C6: variants seen among roughly 807,000 people sequenced by gnomAD.
C6 encodes complement C6.
A neutral mutation model predicts 112.9 loss-of-function variants in C6; 101 were observed. The ratio of observed to expected loss-of-function variants is 0.89; its 90% confidence interval spans 0.76 to 1.06. The LOEUF (loss-of-function observed/expected upper bound fraction) is 1.06. C6 is among the 50% of genes least tolerant of loss of function. The pLI is 0.00. For missense variants in C6, 1,202 were observed against 1,104.6 expected (o/e 1.09, Z -1.25); for synonymous variants, 431 against 384.1 (o/e 1.12, Z -1.43).
chr5:41,162,555 C>G (rs1747617959), intron 9 of C6, among the ~76,000 whole-genome samples: 1 of 152,152 alleles, frequency 6.6e-6, no homozygotes, highest in South Asian at 2.1e-4. Flanking sequence ...ATAACAATTT[C>G]CACTAACCAA....
Position 41,203,112 on chromosome 5 carries a change from T to A in C6, c.119A>T (p.Asn40Ile). The A allele has an allele frequency of 6.2e-7, 1 of 1,614,090 alleles. No individual in the cohort carries two copies. The highest frequency in any genetic ancestry group is 8.5e-7 in the Non-Finnish European group (1 of 1,179,962). Residue 40 changes from asparagine to isoleucine, a missense_variant, in exon 2 of 18, where the codon AAT (asparagine) becomes ATT (isoleucine). Physicochemically the swap from Asn to Ile is moderately radical, Grantham distance 149 (BLOSUM62 -3). Coordinates refer to ENST00000337836, the MANE Select transcript of C6 (RefSeq NM_000065.5). ...TQWTSCSKTCNSGTQSRHRQI... is the reference protein window; with the variant it reads ...TQWTSCSKTCISGTQSRHRQI... ...CCTGTGTCTGCTCTGGGTTCCAGAA[T>A]TGCAAGTTTTTGAGCAGCTGGTCCA...
At chr5:41,211,871 A>G (rs1751960704) in intron 1 of C6, among the ~76,000 whole-genome samples, 2 of 152,174 alleles carry the variant, frequency 1.3e-5, no homozygotes, top group African/African-American at 2.4e-5. Context: ...GAGATTACTA[A>G]TTCTCAGTTC....
Position 41,176,347 on chromosome 5 carries a change from A to G in C6, c.1168+128T>C, listed in dbSNP as rs367879903. ...GAATGTGTATTTTTTATCATTCTTC[A>G]TATCATTTTGGAAATAAAGCAGGAT... On this transcript the variant is annotated intron_variant, in intron 8 of 17. Transcript: ENST00000337836. 12 of 947,116 alleles carry G rather than the reference A, an allele frequency of 1.3e-5. No individual in the cohort carries two copies. In the South Asian group the frequency reaches 2.0e-4, roughly 15 times the overall value. The allele number at this position is 947,116 out of a possible 1,614,324, so 58.7% of individuals were successfully genotyped here.
intron 13 of C6, among the ~76,000 whole-genome samples, chr5:41,157,317 G>T (rs974730981): frequency 1.3e-5 from 2 of 152,138 alleles, no homozygotes; most frequent in Non-Finnish European, 2.9e-5. Context: ...TAATTTTAAC[G>T]GTCTTTGTAT....
At chr5:41,160,735 CA>C (rs1213449570) in intron 10 of C6, among the ~76,000 whole-genome samples, 1 of 152,124 alleles carries the variant, frequency 6.6e-6, no homozygotes, top group Non-Finnish European at 1.5e-5. Flanking sequence ...AAATTTGATT[CA>C]AGCAGCAAAA....
intron 15 of C6, 128 bp downstream of exon 15, chr5:41,153,682 C>T: frequency 1.4e-6 from 1 of 716,506 alleles, no homozygotes; most frequent in South Asian, 1.7e-5. Context: ...CGGTTTGACC[C>T]ACACTGTCTA....
intron 6 of C6, 149 bp downstream of exon 6, chr5:41,185,921 G>T (rs1749730656): frequency 2.1e-6 from 2 of 966,942 alleles, no homozygotes; most frequent in African/African-American, 1.6e-5. Context: ...CATTGTGTGT[G>T]CATGGATAAA....
chr5:41,208,872 G>A (rs1360706005), intron 1 of C6, among the ~76,000 whole-genome samples: 3 of 152,076 alleles, frequency 2.0e-5, no homozygotes, highest in Non-Finnish European at 4.4e-5. Context: ...CTCATTTTAT[G>A]AGGCCAGCAT....
chr5:41,244,703 A>G (rs1308465069), intron 1 of C6, among the ~76,000 whole-genome samples: 1 of 136,622 alleles, frequency 7.3e-6, no homozygotes, highest in East Asian at 2.0e-4. Context: ...CAAGGTATTA[A>G]AAGTCAAACA....
chr5:41,175,616 C>T lies in C6; in HGVS notation c.1168+859G>A, dbSNP rs76149807. Among the ~76,000 whole-genome samples the T allele has an allele frequency of 5.7e-3, 863 of 152,320 alleles. 2 individuals carry two copies. The highest frequency in any genetic ancestry group is 0.01 in the Non-Finnish European group (684 of 68,026). On this transcript the variant is annotated intron_variant, in intron 8 of 17. Coordinates refer to ENST00000337836, the MANE Select transcript of C6 (RefSeq NM_000065.5). ...GTTCTCAACTGACCTGATCCCTAAG[C>T]ATTTAGGGGCTCTGCTCTGAATGCA...
At position 41,142,505 on chromosome 5, in the gene C6, G is replaced by A. The variant is rs1169658883; in HGVS notation, c.*320C>T. 4 of 318,848 alleles carry A rather than the reference G, an allele frequency of 1.3e-5. No homozygotes were observed. The East Asian group carries it at 2.3e-4, about 18-fold the overall frequency. 19.8% of individuals were successfully genotyped at this position (318,848 alleles called of 1,614,324 possible). On this transcript the variant is annotated 3_prime_UTR_variant, in exon 18 of 18. Transcript: ENST00000337836. ...GGGTTTTATTCTTATTTCTAATTGCGAGAATGCTTAATGTCACAGGCTACA... is the reference window on the plus strand; with the variant it reads ...GGGTTTTATTCTTATTTCTAATTGCAAGAATGCTTAATGTCACAGGCTACA...
intron 1 of C6, among the ~76,000 whole-genome samples, chr5:41,229,370 G>A (rs574118769): frequency 2.0e-5 from 3 of 150,912 alleles, no homozygotes; most frequent in African/African-American, 7.3e-5. Flanking sequence ...GTTTCAGTAA[G>A]TTATGTTACC....
intron 1 of C6, among the ~76,000 whole-genome samples, chr5:41,220,004 A>G (rs963134337): frequency 6.6e-6 from 1 of 152,178 alleles, no homozygotes; most frequent in Admixed American, 6.5e-5. Flanking sequence ...CAAATTGAAA[A>G]GTGTTTGAGG....
chr5:41,228,555 A>G (rs186746468), intron 1 of C6, among the ~76,000 whole-genome samples: 222 of 152,278 alleles, frequency 1.5e-3, no homozygotes, highest in Non-Finnish European at 2.0e-3. Context: ...AAAGCTTTCA[A>G]TCTTTCACTG....
chr5:41,239,570 A>G (rs1740567130), intron 1 of C6, among the ~76,000 whole-genome samples: 3 of 152,216 alleles, frequency 2.0e-5, no homozygotes, highest in Non-Finnish European at 2.9e-5. Context: ...AACTTACTCT[A>G]ACTGTATGTT....
intron 17 of C6, among the ~76,000 whole-genome samples, chr5:41,148,985 C>T (rs1746113456): frequency 6.6e-6 from 1 of 152,136 alleles, no homozygotes; most frequent in Non-Finnish European, 1.5e-5. Flanking sequence ...GCTCTTCCCA[C>T]TGGGGCCTAA....
intron 1 of C6, among the ~76,000 whole-genome samples, chr5:41,225,150 G>A (rs944575068): frequency 3.9e-5 from 6 of 152,050 alleles, no homozygotes; most frequent in Non-Finnish European, 7.4e-5. Flanking sequence ...GTGCCATGTT[G>A]GTGTGCCGCA....
chr5:41,158,311 C>G (rs1187306662), intron 13 of C6, among the ~76,000 whole-genome samples: 2 of 152,116 alleles, frequency 1.3e-5, no homozygotes, highest in Non-Finnish European at 2.9e-5. Context: ...ATGATTATAG[C>G]CAGTCTAGTG....
chr5:41,176,806 C>A, intron 7 of C6, 91 bp from the exon 8 acceptor site: 1 of 1,153,368 alleles, frequency 8.7e-7, no homozygotes, highest in Non-Finnish European at 1.3e-6. Context: ...TCATTAGTTT[C>A]ATTCCCACCA....
Sources: allele counts gnomAD v4.1 joint callset (sites outside exome capture counted in the v4.1 genomes callset), GRCh38; gene constraint gnomAD v4.1.1; transcripts MANE v1.5; gene names NCBI Gene and HGNC (gene_info 2026-07-23, HGNC 2026-07-21).